Variants in CLK3 observed in about 807,000 individuals in gnomAD.
CLK3 encodes dual specificity protein kinase CLK3.
A neutral mutation model predicts 65.2 loss-of-function variants in CLK3; 24 were observed. That is an observed-to-expected ratio of 0.37 (90% confidence interval 0.27 to 0.52). The LOEUF (loss-of-function observed/expected upper bound fraction) is 0.52, where lower values mean the gene tolerates loss of function less well. Ranked by LOEUF, CLK3 falls within the 20% of genes least tolerant of loss-of-function variation. CLK3 has a pLI of 0.92. For missense variants in CLK3, 506 were observed against 660.0 expected (o/e 0.77, Z 2.56); for synonymous variants, 252 against 240.8 (o/e 1.05, Z -0.43).
chr15:74,611,030 G>A (rs536875279), upstream of CLK3, among the ~76,000 whole-genome samples: 7 of 152,302 alleles, frequency 4.6e-5, no homozygotes, highest in South Asian at 1.5e-3. Flanking sequence ...AAGCTCTTCA[G>A]TCTATGGAGC....
In CLK3 at chr15:74,629,740, C is replaced by T; in HGVS notation, c.1330C>T (p.Gln444Ter). Residue 444 changes from glutamine (Q) to a stop codon, truncating the protein, a stop_gained, in exon 13 of 13, where the codon CAG (glutamine) becomes TAG (stop). Transcript: ENST00000395066. LOFTEE classifies it high-confidence loss of function. ...YMLQDSLEHV[Q>*]LFDLMRRMLE... ...GCTCCAAGACTCCCTGGAGCACGTG[C>T]AGCTGTTTGACCTGATGAGGAGGAT... is the stretch of plus-strand genomic sequence containing the variant. 1 of 1,613,448 alleles carries T rather than the reference C, an allele frequency of 6.2e-7. No homozygotes were observed. The highest frequency in any genetic ancestry group is 8.5e-7 in the Non-Finnish European group (1 of 1,179,654).
intron 1 of CLK3, among the ~76,000 whole-genome samples, chr15:74,608,879 C>T (rs1020941926): frequency 6.6e-6 from 1 of 152,212 alleles, no homozygotes; most frequent in South Asian, 2.1e-4. Flanking sequence ...AGAACAGAGC[C>T]CCCACCCCAG....
upstream of CLK3, among the ~76,000 whole-genome samples, chr15:74,611,719 A>C (rs1330692421): frequency 6.6e-6 from 1 of 152,240 alleles, no homozygotes; most frequent in Admixed American, 6.5e-5. Flanking sequence ...GACACGGTCC[A>C]ATGCCCCGAG....
upstream of CLK3, chr15:74,615,448 G>A (rs555978221): frequency 7.0e-6 from 9 of 1,285,624 alleles, no homozygotes; most frequent in Non-Finnish European, 8.9e-6. Flanking sequence ...CCGGGGCCCC[G>A]AGAACAATGC....
chr15:74,622,354 A>G lies in CLK3; in HGVS notation c.466+138A>G, dbSNP rs2062110403. The G allele has an allele frequency of 5.9e-6, 6 of 1,021,954 alleles. No individual in the cohort carries two copies. The highest frequency in any genetic ancestry group is 3.0e-6 in the Non-Finnish European group (2 of 676,558). The allele number at this position is 1,021,954 out of a possible 1,614,324, so 63.3% of individuals were successfully genotyped here. ...CAGTAATTGCCTGAATGACACAGAC[A>G]CTAGCAACTTCCATTTTTAAGAGTG... On this transcript the variant is annotated intron_variant, in intron 4 of 12. Transcript: ENST00000395066. The surrounding 1 kb of genome is among the most constrained non-coding windows in gnomAD (Gnocchi z 4.6).
intron 1 of CLK3, among the ~76,000 whole-genome samples, chr15:74,618,585 G>A (rs1245531650): frequency 6.6e-6 from 1 of 152,182 alleles, no homozygotes; most frequent in Non-Finnish European, 1.5e-5. Context: ...GCTATGGAAT[G>A]TTTGTGAGGC....
chr15:74,629,001 G>A lies in CLK3; in HGVS notation c.1265G>A (p.Arg422Gln), dbSNP rs1355129807. Residue 422 changes from arginine to glutamine, a missense_variant, in exon 12 of 13, where the codon CGG becomes CAG. Arg to Gln is a conservative substitution (Grantham distance 43). This residue lies in a region of CLK3 where 325 missense variants were observed against 500.5 expected (regional missense o/e 0.65). Coordinates refer to ENST00000395066, the MANE Select transcript of CLK3 (RefSeq NM_001130028.2). ...LVWDENSSDG[R>Q]YVKENCKPLK... ...TGGGATGAGAACAGCTCTGACGGCC[G>A]GTATGTGAAGGAGAACTGCAAACCT... The A allele has an allele frequency of 5.0e-6, 8 of 1,613,884 alleles. No individual in the cohort carries two copies. Among genetic ancestry groups the A allele is most frequent in the African/African-American group, 2.7e-5 (2 of 75,010 alleles).
intron 1 of CLK3, among the ~76,000 whole-genome samples, chr15:74,616,551 G>T (rs2141535939): frequency 6.6e-6 from 1 of 152,370 alleles, no homozygotes; most frequent in East Asian, 1.9e-4. Flanking sequence ...TTAGTTCCGG[G>T]TGTGGGTGCC....
intron 12 of CLK3, chr15:74,629,466 G>A (rs2062175085): frequency 8.7e-6 from 5 of 571,928 alleles, no homozygotes; most frequent in South Asian, 6.1e-5. Context: ...GACTTTGCAT[G>A]TGGGGGCAGA....
intron 1 of CLK3, among the ~76,000 whole-genome samples, chr15:74,609,346 G>A (rs375774045): frequency 1.1e-4 from 17 of 152,212 alleles, no homozygotes; most frequent in East Asian, 3.9e-4. Flanking sequence ...ACACTAGCAG[G>A]GGGGCCAGTT....
chr15:74,619,153 G>T, intron 1 of CLK3, 44 bp from the exon 2 acceptor site: 1 of 1,605,554 alleles, frequency 6.2e-7, no homozygotes, highest in Non-Finnish European at 8.5e-7. Context: ...GCTGGAGGTG[G>T]CTGGCTGTGT....
chr15:74,619,021 C>A, intron 1 of CLK3, 176 bp from the exon 2 acceptor site: 1 of 678,994 alleles, frequency 1.5e-6, no homozygotes, highest in Non-Finnish European at 2.5e-6. Context: ...TTCCTATTGT[C>A]TGCTGTTTGA....
chr15:74,616,954 C>T (rs963125982), intron 1 of CLK3, among the ~76,000 whole-genome samples: 1 of 152,226 alleles, frequency 6.6e-6, no homozygotes, highest in Non-Finnish European at 1.5e-5. Flanking sequence ...TGGCCTTTAG[C>T]TGCTTTTTAA....
upstream of CLK3, chr15:74,615,604 G>A (rs1027075682): frequency 1.9e-5 from 24 of 1,255,968 alleles, no homozygotes; most frequent in Non-Finnish European, 2.2e-5. Context: ...CAGGTCGGGG[G>A]ACCTACGTGC....
chr15:74,615,152 G>C, upstream of CLK3: 1 of 348,284 alleles, frequency 2.9e-6, no homozygotes, highest in East Asian at 4.2e-5. Context: ...TCTAGCGGGG[G>C]AGTCTTAACT....
intron 5 of CLK3, chr15:74,623,654 A>C (rs2062120991): frequency 6.6e-6 from 1 of 152,252 alleles, no homozygotes; most frequent in Non-Finnish European, 1.5e-5. Context: ...GACATGGCAG[A>C]CTCAACAGCC....
intron 12 of CLK3, 127 bp from the exon 13 acceptor site, chr15:74,629,580 A>T: frequency 1.5e-6 from 1 of 658,732 alleles, no homozygotes; most frequent in Non-Finnish European, 2.7e-6. Context: ...GGGCGGAAGT[A>T]GAGTCCTCCA....
At chr15:74,623,218 C>T (rs1331080729) in intron 5 of CLK3, among the ~76,000 whole-genome samples, 1 of 152,238 alleles carries the variant, frequency 6.6e-6, no homozygotes, top group African/African-American at 2.4e-5. Flanking sequence ...GCTTCCTCTC[C>T]TATAGGTCTG....
chr15:74,622,877 T>TACA lies in CLK3; in HGVS notation c.533+317_533+318insACA. ...CAGGGCCAAGGCCCCGGCTCCCCTG[T>TACA]GGCTTGGAGCTGCTTCCTGTGATAA... On this transcript the variant is annotated intron_variant, in intron 5 of 12. Coordinates refer to ENST00000395066, the MANE Select transcript of CLK3 (RefSeq NM_001130028.2). The surrounding 1 kb of genome is among the most constrained non-coding windows in gnomAD (Gnocchi z 4.6). 6.6e-6 allele frequency among the ~76,000 whole-genome samples: 1 copy of TACA among 152,336 alleles called. No homozygotes were observed. The highest frequency in any genetic ancestry group is 2.1e-4 in the South Asian group (1 of 4,828).
Sources: allele counts gnomAD v4.1 joint callset (sites outside exome capture counted in the v4.1 genomes callset), GRCh38; gene constraint gnomAD v4.1.1; regional missense constraint gnomAD v4.1.1; non-coding constraint Gnocchi (gnomAD v3.1); transcripts MANE v1.5; gene names NCBI Gene and HGNC (gene_info 2026-07-23, HGNC 2026-07-21).